The following MSR1 variants were observed in gnomAD, a reference collection of about 807,000 sequenced individuals.
MSR1 encodes macrophage scavenger receptor 1.
MSR1 carries 53 observed loss-of-function variants against 47.2 expected under a neutral mutation model. That is an observed-to-expected ratio of 1.12 (90% CI 0.90 to 1.41). MSR1 has a LOEUF of 1.41. Among genes scored for constraint, MSR1 ranks in the 40% most tolerant of loss-of-function variants. The pLI, the probability that MSR1 is intolerant of heterozygous loss-of-function variation, is 0.00. For synonymous variants in MSR1, 239 were observed against 185.6 expected, an observed-to-expected ratio of 1.29 and a Z score of -2.34; for missense variants, 786 against 546.9, an observed-to-expected ratio of 1.44 and a Z score of -4.36.
intron 6 of MSR1, among the ~76,000 whole-genome samples, chr8:16,154,774 T>C (rs768927318): frequency 6.6e-6 from 1 of 152,006 alleles, no homozygotes; most frequent in Non-Finnish European, 1.5e-5. Flanking sequence ...CATGTCACTA[T>C]CTAGACTTAC....
chr8:16,150,094 T>C (rs1026814570), intron 7 of MSR1, 137 bp downstream of exon 7: 21 of 205,018 alleles, frequency 1.0e-4, no homozygotes, highest in Non-Finnish European at 1.5e-4. Context: ...TTTAAAAATA[T>C]GTATACTACA....
In MSR1 at chr8:16,108,433, G is replaced by A. The variant is rs1799683942; in HGVS notation, c.*1652C>T. 1 of 151,684 alleles carries A rather than the reference G, an allele frequency of 6.6e-6. No homozygotes were observed. Among genetic ancestry groups the A allele is most frequent in the African/African-American group, 2.4e-5 (1 of 41,278 alleles). The allele number at this position is 151,684 out of a possible 1,614,324, so 9.4% of individuals were successfully genotyped here. A position where few individuals can be genotyped will look rare whatever the true frequency, so the allele number is the denominator to read the frequency against. ...TAAATCAGCATACATATACCATACAGCAATACAGTATTAACAACCCAGAGG... is the reference window on the plus strand; with the variant it reads ...TAAATCAGCATACATATACCATACAACAATACAGTATTAACAACCCAGAGG... On this transcript the variant is annotated 3_prime_UTR_variant, in exon 10 of 10. Transcript: ENST00000262101.
intron 1 of MSR1, among the ~76,000 whole-genome samples, chr8:16,192,318 G>T (rs1222944620): frequency 6.6e-6 from 1 of 151,932 alleles, no homozygotes; most frequent in East Asian, 1.9e-4. Context: ...CCCCATTGCT[G>T]GTTCAAACTA....
rs747932069 is a variant in MSR1 at position 16,110,053 on chromosome 8, G to A, written c.*32C>T. 40 of 1,611,752 alleles carry A rather than the reference G, an allele frequency of 2.5e-5. No homozygotes were observed. The highest frequency in any genetic ancestry group is 6.7e-5 in the African/African-American group (5 of 74,864). On this transcript the variant is annotated 3_prime_UTR_variant, in exon 10 of 10. Transcript: ENST00000262101. ...GGTAATAAAATCATTTTTGAGCAGCGATTTCATAGTTGTGAATGAAAATAT... is the reference window on the plus strand; with the variant it reads ...GGTAATAAAATCATTTTTGAGCAGCAATTTCATAGTTGTGAATGAAAATAT...
chr8:16,149,176 T>C (rs1263688798), intron 7 of MSR1, among the ~76,000 whole-genome samples: 1 of 152,026 alleles, frequency 6.6e-6, no homozygotes, highest in East Asian at 1.9e-4. Flanking sequence ...ATGTACATTA[T>C]AGATTTTGGG....
intron 8 of MSR1, among the ~76,000 whole-genome samples, chr8:16,129,753 C>T (rs893137851): frequency 4.0e-5 from 5 of 124,282 alleles, no homozygotes; most frequent in East Asian, 2.5e-4. Flanking sequence ...CCCCTCAACA[C>T]GCCCTAAAAA....
intron 8 of MSR1, among the ~76,000 whole-genome samples, chr8:16,128,169 C>G (rs1318405424): frequency 6.6e-6 from 1 of 152,084 alleles, no homozygotes; most frequent in Non-Finnish European, 1.5e-5. Flanking sequence ...TGAATTCATC[C>G]TGAAACAGTT....
At chr8:16,139,763 AAAAAAAAAAAAATATATATATATAT>A (rs1800488731) in intron 8 of MSR1, 1 of 163,910 alleles carries the variant, frequency 6.1e-6, no homozygotes, top group African/African-American at 7.7e-5. Context: ...AAAAAAAAAA[AAAAAAAAAAAAATATATATATATAT>A]ATATATATAT....
At chr8:16,143,763 A>T in intron 7 of MSR1, 152 bp from the exon 8 acceptor site, 1 of 646,452 alleles carries the variant, frequency 1.5e-6, no homozygotes, top group Admixed American at 2.6e-5. Context: ...AACAATAATA[A>T]TAGTTATTAC....
chr8:16,179,367 A>G (rs371073227), intron 1 of MSR1, among the ~76,000 whole-genome samples: 64 of 152,292 alleles, frequency 4.2e-4, no homozygotes, highest in African/African-American at 1.5e-3. Flanking sequence ...CAATGTTTAA[A>G]TCCATTAGAG....
chr8:16,129,817 A>C (rs527343189), intron 8 of MSR1, among the ~76,000 whole-genome samples: 1 of 152,256 alleles, frequency 6.6e-6, no homozygotes, highest in South Asian at 2.1e-4. Flanking sequence ...TGAAGGGGGC[A>C]AATAATAGGC....
At position 16,168,634 on chromosome 8, in the gene MSR1, A is replaced by G. The variant is rs775713333; in HGVS notation, c.454T>C (p.Phe152Leu). The G allele has an allele frequency of 6.2e-7, 1 of 1,614,150 alleles. No homozygotes were observed. The highest frequency in any genetic ancestry group is 8.5e-7 in the Non-Finnish European group (1 of 1,180,002). The change falls in exon 4 of 10, where the codon TTT becomes CTT. Residue 152 changes from phenylalanine (F) to leucine (L), a missense_variant. Transcript: ENST00000262101. Reference sequence around the variant, plus strand: ...CTTAGCTGCAGAAGAATGTCATTAAATCTTTGATCAGTTGTCATGCTGAAA... The same window carrying G: ...CTTAGCTGCAGAAGAATGTCATTAAGTCTTTGATCAGTTGTCATGCTGAAA... ...QNFSMTTDQR[F>L]NDILLQLSTL... is the part of the protein sequence containing the mutation.
chr8:16,164,122 G>C lies in MSR1; in HGVS notation c.760C>G (p.Leu254Val), dbSNP rs387906645. 54 of 1,611,724 alleles carry C rather than the reference G, an allele frequency of 3.4e-5. No individual in the cohort carries two copies. The highest frequency in any genetic ancestry group is 4.0e-5 in the African/African-American group (3 of 74,846). ...GAATGTTCCCAATCTTTCAGTCTGA[G>C]ATCATTAGTGATGTTATTCAGTACT... ...VKVLNNITNDLRLKDWEHSQT... is the reference protein window; with the variant it reads ...VKVLNNITNDVRLKDWEHSQT... The change falls in exon 5 of 10, where the codon CTC becomes GTC. Residue 254 changes from leucine to valine, a missense_variant. Leu to Val is a conservative substitution (Grantham distance 32). Transcript: ENST00000262101.
rs1799718287 is a variant in MSR1 at position 16,109,944 on chromosome 8, TA to T, written c.*140del. 1 of 962,704 alleles carries T rather than the reference TA, an allele frequency of 1.0e-6. No individual in the cohort carries two copies. The highest frequency in any genetic ancestry group is 1.5e-5 in the South Asian group (1 of 68,558). The allele number at this position is 962,704 out of a possible 1,614,324, so 59.6% of individuals were successfully genotyped here. ...AAATAGTAAGCATGAAGGTGTTCAATATATTAATCCTGTAATCTAAAATATT... is the reference window on the plus strand; with the variant it reads ...AAATAGTAAGCATGAAGGTGTTCAATTATTAATCCTGTAATCTAAAATATT... On this transcript the variant is annotated 3_prime_UTR_variant, in exon 10 of 10. Coordinates refer to ENST00000262101, the MANE Select transcript of MSR1 (RefSeq NM_138715.3).
At position 16,164,245 on chromosome 8, in the gene MSR1, T is replaced by G; in HGVS notation, c.637A>C (p.Ser213Arg). Residue 213 changes from serine to arginine, a missense_variant, in exon 5 of 10, where the codon AGT (serine) becomes CGT (arginine). By Grantham distance (110) the Ser-to-Arg change is moderately radical. Coordinates refer to ENST00000262101, the MANE Select transcript of MSR1 (RefSeq NM_138715.3). ...ENTFKQQEEI[S>R]KLEERVYNVS... ...TTGTAAACACGCTCCTCTAATTTAC[T>G]GATTTCCTGTAAAACATAAGTGAGC... is the stretch of plus-strand genomic sequence containing the variant. 1 of 1,610,974 alleles carries G rather than the reference T, an allele frequency of 6.2e-7. No homozygotes were observed. The highest frequency in any genetic ancestry group is 8.5e-7 in the Non-Finnish European group (1 of 1,178,088).
chr8:16,127,267 T>C (rs555631435), intron 8 of MSR1, among the ~76,000 whole-genome samples: 29 of 152,208 alleles, frequency 1.9e-4, no homozygotes, highest in African/African-American at 6.5e-4. Context: ...GTTCACCATA[T>C]CCTGAGCCCA....
At chr8:16,139,569 G>C (rs1585152185) in intron 8 of MSR1, 1 of 980,092 alleles carries the variant, frequency 1.0e-6, no homozygotes, top group South Asian at 4.7e-5. Flanking sequence ...GATCAGTAGA[G>C]AGAAACCAAA....
At chr8:16,186,487 C>T (rs937672694) in intron 1 of MSR1, among the ~76,000 whole-genome samples, 3 of 152,128 alleles carry the variant, frequency 2.0e-5, no homozygotes, top group Non-Finnish European at 4.4e-5. Context: ...TAGAGGTCTT[C>T]TTTTCCTCGC....
At chr8:16,183,828 A>T (rs1801913642) in intron 1 of MSR1, among the ~76,000 whole-genome samples, 2 of 143,992 alleles carry the variant, frequency 1.4e-5, no homozygotes, top group Non-Finnish European at 3.0e-5. Flanking sequence ...TATATATTAT[A>T]TATTTTATAT....
Sources: gnomAD v4.1 joint callset for allele counts (sites outside exome capture counted in the v4.1 genomes callset) on GRCh38, gnomAD v4.1.1 for gene constraint, MANE v1.5 for transcripts, NCBI Gene and HGNC (gene_info 2026-07-23, HGNC 2026-07-21) for gene names.